CNTNAP2: variants seen among roughly 807,000 people sequenced by gnomAD.
CNTNAP2 encodes the protein contactin-associated protein-like 2.
In CNTNAP2, 98 loss-of-function variants were observed where a neutral mutation model predicts 155.2. The observed-to-expected ratio is 0.63, with a 90% CI of 0.54 to 0.75. The LOEUF (loss-of-function observed/expected upper bound fraction) is 0.75. Ranked by LOEUF, CNTNAP2 falls within the 30% of genes least tolerant of loss-of-function variation. The pLI is 0.00. For missense variants in CNTNAP2, 1,727 were observed against 1,688.1 expected, an observed-to-expected ratio of 1.02 and a Z score of -0.40; for synonymous variants, 651 against 631.2, an observed-to-expected ratio of 1.03 and a Z score of -0.47.
chr7:147,953,441 G>A (rs1159498544), intron 14 of CNTNAP2, among the ~76,000 whole-genome samples: 2 of 115,014 alleles, frequency 1.7e-5, no homozygotes, highest in South Asian at 7.6e-4. Flanking sequence ...CTAGATGATG[G>A]GTTGATAAGG....
chr7:146,638,609 C>T (rs1335562044), intron 1 of CNTNAP2, among the ~76,000 whole-genome samples: 3 of 150,512 alleles, frequency 2.0e-5, no homozygotes, highest in Admixed American at 6.6e-5. Context: ...CTCAGCCTCC[C>T]GAGTAGCTGG....
chr7:146,877,727 AT>A (rs1795459182), intron 3 of CNTNAP2, among the ~76,000 whole-genome samples: 1 of 151,812 alleles, frequency 6.6e-6, no homozygotes, highest in African/African-American at 2.4e-5. Context: ...TTTCAGTGCT[AT>A]TTGGATATTT....
rs557734551 is a variant in CNTNAP2, at chr7:147,903,270, T to A, written c.2099-295T>A. Among the ~76,000 whole-genome samples, 3 of 152,336 alleles carry A rather than the reference T, an allele frequency of 2.0e-5. No homozygotes were observed. In the South Asian group the frequency reaches 6.2e-4, roughly 32 times the overall value. On this transcript the variant is annotated intron_variant, in intron 13 of 23. Coordinates refer to ENST00000361727, the MANE Select transcript of CNTNAP2 (RefSeq NM_014141.6). ...CATATGTTTGTTGGCCTTTTGTATA[T>A]CTTATTTTGAGGATTTTCTATTCAT...
chr7:147,380,554 A>G (rs565461769), intron 9 of CNTNAP2, among the ~76,000 whole-genome samples: 136 of 152,134 alleles, frequency 8.9e-4, no homozygotes, highest in African/African-American at 2.4e-3. Flanking sequence ...GGCCAAGCAC[A>G]CTCCTAAGCA....
chr7:147,180,090 G>C (rs1037527204), intron 8 of CNTNAP2, among the ~76,000 whole-genome samples: 2 of 152,128 alleles, frequency 1.3e-5, no homozygotes, highest in Non-Finnish European at 2.9e-5. Flanking sequence ...TCCTGAAAGA[G>C]GGAGGCAGGT....
chr7:147,273,763 T>G (rs906299796), intron 8 of CNTNAP2, among the ~76,000 whole-genome samples: 7 of 146,650 alleles, frequency 4.8e-5, no homozygotes, highest in Admixed American at 6.8e-5. Flanking sequence ...AATATATATT[T>G]TATACATATA....
chr7:148,100,817 A>G (rs1211295282), intron 15 of CNTNAP2, among the ~76,000 whole-genome samples: 1 of 152,224 alleles, frequency 6.6e-6, no homozygotes, highest in Non-Finnish European at 1.5e-5. Context: ...GCTGCTATAA[A>G]GACACATGCA....
At chr7:146,680,019 G>T (rs567840555) in intron 1 of CNTNAP2, among the ~76,000 whole-genome samples, 4 of 152,152 alleles carry the variant, frequency 2.6e-5, no homozygotes, top group African/African-American at 9.6e-5. Flanking sequence ...AAATACATAT[G>T]TAGAACATGT....
intron 4 of CNTNAP2, among the ~76,000 whole-genome samples, chr7:147,078,481 A>G (rs1339250906): frequency 6.6e-6 from 1 of 152,026 alleles, no homozygotes; most frequent in Non-Finnish European, 1.5e-5. Flanking sequence ...ATAAGCTGTT[A>G]CTGATTAGAC....
At chr7:146,984,905 A>G (rs1247205360) in intron 3 of CNTNAP2, among the ~76,000 whole-genome samples, 1 of 152,166 alleles carries the variant, frequency 6.6e-6, no homozygotes, top group African/African-American at 2.4e-5. Flanking sequence ...TTTTAAGTAG[A>G]CATTTAATTT....
rs190747536 is a variant in CNTNAP2, at chr7:147,031,273, A to C, written c.403-12634A>C. On this transcript the variant is annotated intron_variant, in intron 3 of 23. Coordinates refer to ENST00000361727, the MANE Select transcript of CNTNAP2 (RefSeq NM_014141.6). ...GAAAGAAAAATAATATATTTGAGTA[A>C]AATTTAAAATAGATTTCTGATGCTA... 1.4e-3 allele frequency among the ~76,000 whole-genome samples: 219 copies of C among 152,300 alleles called. 2 individuals carry two copies. The highest frequency in any genetic ancestry group is 5.1e-3 in the African/African-American group (211 of 41,580).
chr7:146,372,882 T>C (rs1795255460), intron 1 of CNTNAP2, among the ~76,000 whole-genome samples: 1 of 152,156 alleles, frequency 6.6e-6, no homozygotes, highest in African/African-American at 2.4e-5. Context: ...TAAGAGACAA[T>C]AGAACTTTGG....
At chr7:146,442,624 T>C (rs960354490) in intron 1 of CNTNAP2, among the ~76,000 whole-genome samples, 1 of 152,160 alleles carries the variant, frequency 6.6e-6, no homozygotes, top group Non-Finnish European at 1.5e-5. Flanking sequence ...CCATCTTGAA[T>C]GGGGACAGCT....
At chr7:146,947,581 A>G (rs1584741613) in intron 3 of CNTNAP2, among the ~76,000 whole-genome samples, 2 of 74,100 alleles carry the variant, frequency 2.7e-5, no homozygotes, top group Admixed American at 1.2e-4. Flanking sequence ...ATATACATAT[A>G]TATATATATA....
intron 1 of CNTNAP2, among the ~76,000 whole-genome samples, chr7:146,711,789 AC>A (rs1230883138): frequency 1.5e-5 from 2 of 129,046 alleles, no homozygotes; most frequent in Non-Finnish European, 3.5e-5. Flanking sequence ...TCTTATGTAT[AC>A]ATATATAGTA....
At chr7:146,796,590 A>G (rs1802773033) in intron 2 of CNTNAP2, among the ~76,000 whole-genome samples, 1 of 152,090 alleles carries the variant, frequency 6.6e-6, no homozygotes, top group African/African-American at 2.4e-5. Flanking sequence ...GCAGTTCTAT[A>G]ATTAAAGAAG....
At chr7:148,073,516 A>G (rs969677864) in intron 15 of CNTNAP2, among the ~76,000 whole-genome samples, 9 of 152,200 alleles carry the variant, frequency 5.9e-5, no homozygotes, top group African/African-American at 1.9e-4. Context: ...CCTGTTCCTG[A>G]GTCACTTAGT....
chr7:148,156,127 C>T (rs2116665862), intron 17 of CNTNAP2, among the ~76,000 whole-genome samples: 1 of 152,306 alleles, frequency 6.6e-6, no homozygotes, highest in East Asian at 1.9e-4. Flanking sequence ...CTGCAGAGGG[C>T]CACTGTCAAA....
intron 21 of CNTNAP2, among the ~76,000 whole-genome samples, chr7:148,312,098 T>G (rs1466119230): frequency 6.6e-6 from 1 of 152,196 alleles, no homozygotes; most frequent in Admixed American, 6.5e-5. Flanking sequence ...TGTGATTTTT[T>G]GGGCCTCTAA....
Sources: allele counts gnomAD v4.1 joint callset (sites outside exome capture counted in the v4.1 genomes callset), GRCh38; gene constraint gnomAD v4.1.1; transcripts MANE v1.5; gene names NCBI Gene and HGNC (gene_info 2026-07-23, HGNC 2026-07-21).